The following SLC26A5 variants were observed in gnomAD, a reference collection of about 807,000 sequenced individuals.
SLC26A5 encodes prestin.
SLC26A5 carries 51 observed loss-of-function variants against 81.0 expected under a neutral mutation model. That is an observed-to-expected ratio of 0.63 (90% CI 0.50 to 0.80). The LOEUF is 0.80. Among genes scored for constraint, SLC26A5 ranks in the 30% least tolerant of loss-of-function variants. The probability of loss-of-function intolerance (pLI) is 0.00; values close to 1 mark genes in which losing one functional copy is unlikely to be tolerated. For synonymous variants in SLC26A5, 325 were observed against 332.8 expected (o/e 0.98, Z 0.25); for missense variants, 771 against 905.8 (o/e 0.85, Z 1.91).
At chr7:103,352,734 A>T in exon 20 of SLC26A5, 1 of 727,892 alleles carries the variant, frequency 1.4e-6, no homozygotes, top group South Asian at 1.5e-5. Context: ...ATCCTGGTAG[A>T]TTCATTTTTT....
rs1824185305 is a variant in SLC26A5, at chr7:103,407,946, C to T, written c.793G>A (p.Gly265Arg). 2 of 1,614,020 alleles carry T rather than the reference C, an allele frequency of 1.2e-6. No homozygotes were observed. Among genetic ancestry groups the T allele is most frequent in the Non-Finnish European group, 1.7e-6 (2 of 1,180,042 alleles). Residue 265 changes from glycine (G) to arginine (R), a missense_variant, in exon 8 of 20, where the codon GGG becomes AGG. Transcript: ENST00000306312. ...AACAGCAAACCAAAAACCATCAGCC[C>T]GACGCCTAGGGAACACACGTTGAGG... ...KNLNVCSLGV[G>R]LMVFGLLLGG...
At chr7:103,427,529 C>T (rs114224046) in intron 2 of SLC26A5, among the ~76,000 whole-genome samples, 3,668 of 152,212 alleles carry the variant, frequency 0.024, 146 homozygotes, top group African/African-American at 0.082. Context: ...AGTCTTTAAA[C>T]GGCATCTCTG....
At chr7:103,408,389 G>C (rs1337187939) in intron 7 of SLC26A5, among the ~76,000 whole-genome samples, 2 of 152,028 alleles carry the variant, frequency 1.3e-5, no homozygotes, top group Non-Finnish European at 2.9e-5. Flanking sequence ...GCCACACCCA[G>C]CTAATTTTTG....
At chr7:103,429,035 C>T (rs1182519042) in intron 2 of SLC26A5, among the ~76,000 whole-genome samples, 1 of 152,202 alleles carries the variant, frequency 6.6e-6, no homozygotes, top group Non-Finnish European at 1.5e-5. Flanking sequence ...CTATTCTCTG[C>T]TTCTATGTTT....
chr7:103,417,417 G>A (rs1399423103), intron 4 of SLC26A5, among the ~76,000 whole-genome samples: 1 of 149,172 alleles, frequency 6.7e-6, no homozygotes, highest in Admixed American at 6.7e-5. Context: ...TATTGTTTCT[G>A]TAATAATATA....
At chr7:103,434,755 G>A (rs1826331407) in intron 2 of SLC26A5, among the ~76,000 whole-genome samples, 1 of 152,116 alleles carries the variant, frequency 6.6e-6, no homozygotes, top group South Asian at 2.1e-4. Flanking sequence ...GGGTTCAAGT[G>A]ATTCTCCTGC....
chr7:103,382,346 CTTTT>C (rs755840628), intron 14 of SLC26A5, among the ~76,000 whole-genome samples: 1 of 114,344 alleles, frequency 8.7e-6, no homozygotes, highest in Non-Finnish European at 1.8e-5. Flanking sequence ...GCCCTATTTC[CTTTT>C]TTTTTTTTTT....
chr7:103,386,964 G>A (rs1003808636), intron 14 of SLC26A5, among the ~76,000 whole-genome samples: 2 of 152,060 alleles, frequency 1.3e-5, no homozygotes, highest in Non-Finnish European at 2.9e-5. Context: ...GGTTTGCCAT[G>A]TTGCCCAGGC....
At chr7:103,408,339 G>T (rs1824221465) in intron 7 of SLC26A5, among the ~76,000 whole-genome samples, 2 of 152,118 alleles carry the variant, frequency 1.3e-5, no homozygotes, top group South Asian at 4.1e-4. Context: ...CAATTCTCCT[G>T]CCTCAGCCTC....
Position 103,377,621 on chromosome 7 carries a change from A to G in SLC26A5, c.1964T>C (p.Val655Ala). Residue 655 changes from valine to alanine, a missense_variant, in exon 18 of 20, where the codon GTT (valine) becomes GCT (alanine). Coordinates refer to ENST00000306312, the MANE Select transcript of SLC26A5 (RefSeq NM_198999.3). ...TACCCCTGCCAGAGTTTTCACTCCA[A>G]CAGAATCAATAAAATTGACTTGAGT... ...DFTQVNFIDS[V>A]GVKTLAGIVK... is the part of the protein sequence containing the mutation. 1 of 1,614,156 alleles carries G rather than the reference A, an allele frequency of 6.2e-7. No homozygotes were observed. Among genetic ancestry groups the G allele is most frequent in the African/African-American group, 1.3e-5 (1 of 75,052 alleles).
chr7:103,422,434 C>T (rs1253895300), intron 2 of SLC26A5, among the ~76,000 whole-genome samples: 1 of 152,000 alleles, frequency 6.6e-6, no homozygotes, highest in Non-Finnish European at 1.5e-5. Flanking sequence ...AAATGTAAGG[C>T]ACAGTTGAAT....
intron 5 of SLC26A5, among the ~76,000 whole-genome samples, chr7:103,412,476 T>G (rs764526024): frequency 3.3e-5 from 5 of 151,882 alleles, no homozygotes; most frequent in Non-Finnish European, 4.4e-5. Context: ...CACAAGAAAA[T>G]TGTCTTTTTT....
intron 1 of SLC26A5, among the ~76,000 whole-genome samples, chr7:103,444,004 A>G (rs1490890074): frequency 1.3e-5 from 2 of 152,164 alleles, no homozygotes; most frequent in Non-Finnish European, 2.9e-5. Flanking sequence ...CTAGAATACA[A>G]TTGTTTTCAA....
At chr7:103,418,378 T>C (rs974288926) in intron 4 of SLC26A5, among the ~76,000 whole-genome samples, 4 of 152,196 alleles carry the variant, frequency 2.6e-5, no homozygotes, top group Non-Finnish European at 4.4e-5. Context: ...GAGGAGTTCT[T>C]TGAGTGTGAG....
At position 103,410,397 on chromosome 7, in the gene SLC26A5, A is replaced by G. The variant is rs1300308158; in HGVS notation, c.723T>C (p.Phe241=). Residue 241 remains phenylalanine, a synonymous_variant, in exon 7 of 20, where the codon TTT becomes TTC. Transcript: ENST00000306312. The part of the protein sequence containing the change: ...GVKTKRYSGI[F]SVVYSTVAVL... ...GTTTCTTACTTACATACACCACGGA[A>G]AAGATTCCACTGTACCGCTTTGTTT... The G allele has an allele frequency of 1.2e-6, 2 of 1,613,930 alleles. No homozygotes were observed. Among genetic ancestry groups the G allele is most frequent in the African/African-American group, 2.7e-5 (2 of 74,924 alleles).
intron 2 of SLC26A5, chr7:103,433,498 GA>G (rs1826225568): frequency 6.6e-6 from 1 of 152,048 alleles, no homozygotes; most frequent in African/African-American, 2.4e-5. Flanking sequence ...AATGTAGAAG[GA>G]ACAAAGAAAT....
chr7:103,380,488 A>T lies in SLC26A5; in HGVS notation c.1576T>A (p.Tyr526Asn), dbSNP rs775471812. 3 of 1,613,164 alleles carry T rather than the reference A, an allele frequency of 1.9e-6. No homozygotes were observed. The African/African-American group carries it at 4.0e-5, about 22-fold the overall frequency. The change falls in exon 15 of 20, where the codon TAT becomes AAT. Residue 526 changes from tyrosine to asparagine, a missense_variant. Transcript: ENST00000306312. ...ETDVYIDIDA[Y>N]EEVKEIPGIK... Reference sequence around the variant, plus strand: ...ATAGAAAAAGGTCCTACCTCCTCATATGCGTCTATATCAATATACACATCA... The same window carrying T: ...ATAGAAAAAGGTCCTACCTCCTCATTTGCGTCTATATCAATATACACATCA...
intron 4 of SLC26A5, 132 bp downstream of exon 4, chr7:103,420,606 T>C (rs556647125): frequency 4.1e-6 from 5 of 1,211,060 alleles, no homozygotes; most frequent in Middle Eastern, 2.0e-4. Context: ...TTCTGAAGAA[T>C]ACCTTTAGAT....
intron 2 of SLC26A5, among the ~76,000 whole-genome samples, chr7:103,439,974 G>T (rs1397998874): frequency 6.6e-6 from 1 of 152,128 alleles, no homozygotes; most frequent in Non-Finnish European, 1.5e-5. Context: ...TTTCTCAGGG[G>T]AAGCTTTTTC....
Sources: gnomAD v4.1 joint callset for allele counts (sites outside exome capture counted in the v4.1 genomes callset) on GRCh38, gnomAD v4.1.1 for gene constraint, MANE v1.5 for transcripts, NCBI Gene and HGNC (gene_info 2026-07-23, HGNC 2026-07-21) for gene names.